SGSM2: variants seen among roughly 807,000 people sequenced by gnomAD.
SGSM2 encodes the protein RUN and TBC1 domain containing 1.
SGSM2 carries 89 observed loss-of-function variants against 126.6 expected under a neutral mutation model. That is an observed-to-expected ratio of 0.70 (90% CI 0.59 to 0.84). The LOEUF is 0.84. Among genes scored for constraint, SGSM2 ranks in the 40% least tolerant of loss-of-function variants. The pLI is 0.00. For missense variants in SGSM2, 1,404 were observed against 1,416.6 expected, an observed-to-expected ratio of 0.99 and a Z score of 0.14; for synonymous variants, 614 against 574.3, an observed-to-expected ratio of 1.07 and a Z score of -0.99.
intron 20 of SGSM2, 50 bp downstream of exon 20, chr17:2,376,865 C>G (rs766465622): frequency 6.2e-7 from 1 of 1,610,462 alleles, no homozygotes; most frequent in South Asian, 1.1e-5. Flanking sequence ...GGAGAAAGGA[C>G]GAGAGGGTGG....
At chr17:2,371,452 C>T (rs201154545) in intron 13 of SGSM2, 37 bp downstream of exon 13, 35 of 1,555,592 alleles carry the variant, frequency 2.2e-5, no homozygotes, top group African/African-American at 1.1e-4. Flanking sequence ...TTCCCGTTAG[C>T]GTGTCCAGCC....
At position 2,376,975 on chromosome 17, in the gene SGSM2, C is replaced by G; in HGVS notation, c.2709C>G (p.Ser903Arg). 8 of 1,613,584 alleles carry G rather than the reference C, an allele frequency of 5.0e-6. No homozygotes were observed. Among genetic ancestry groups the G allele is most frequent in the Non-Finnish European group, 6.8e-6 (8 of 1,179,702 alleles). ...VTLDNDQLAY[S>R]CFSHLMKRMS... ...TCCCCTCAGATCAGCTGGCCTACAG[C>G]TGCTTCAGCCACCTCATGAAGAGGA... Residue 903 changes from serine (S) to arginine (R), a missense_variant, in exon 21 of 24, where the codon AGC (serine) becomes AGG (arginine). Coordinates refer to ENST00000268989, the MANE Select transcript of SGSM2 (RefSeq NM_014853.3).
rs886434517 is a variant in SGSM2, at chr17:2,367,433, A to C, written c.1423+28A>C. 6.3e-7 allele frequency: 1 copy of C among 1,596,956 alleles called. No homozygotes were observed. The highest frequency in any genetic ancestry group is 1.1e-5 in the South Asian group (1 of 89,772). ...TCTTATCCCTCCCTCTCCCTGACCC[A>C]CCTCATCCCCACCCTCCCTCCCGGG... On this transcript the variant is annotated intron_variant, in intron 12 of 23. Coordinates refer to ENST00000268989, the MANE Select transcript of SGSM2 (RefSeq NM_014853.3). The surrounding 1 kb of genome is among the most constrained non-coding windows in gnomAD (Gnocchi z 4.0).
At position 2,379,043 on chromosome 17, in the gene SGSM2, G is replaced by C. The variant is rs1322357854; in HGVS notation, c.2907G>C (p.Leu969=). Residue 969 remains leucine (L), a synonymous_variant, in exon 23 of 24, where the codon CTG becomes CTC. Coordinates refer to ENST00000268989, the MANE Select transcript of SGSM2 (RefSeq NM_014853.3). ...GCCGCTTACTCTCCGCAGAACTGCT[G>C]TATGAGGATGTGTTTGCTGTGTGGG... is the stretch of plus-strand genomic sequence containing the variant. ...WFLLDFKREL[L]YEDVFAVWEV... The C allele has an allele frequency of 3.7e-6, 6 of 1,613,926 alleles. No homozygotes were observed. Among genetic ancestry groups the C allele is most frequent in the Non-Finnish European group, 4.2e-6 (5 of 1,179,952 alleles).
chr17:2,366,410 AC>A, intron 11 of SGSM2: 1 of 152,078 alleles, frequency 6.6e-6, no homozygotes, highest in Non-Finnish European at 1.5e-5. Context: ...TAACAAGACC[AC>A]CCGCTCCCTA....
chr17:2,362,066 C>A lies in SGSM2; in HGVS notation c.297-43C>A. 2 of 1,586,244 alleles carry A rather than the reference C, an allele frequency of 1.3e-6. No individual in the cohort carries two copies. On this transcript the variant is annotated intron_variant, in intron 3 of 23. Transcript: ENST00000268989. The surrounding 1 kb of genome is among the most constrained non-coding windows in gnomAD (Gnocchi z 4.9). ...CCCAATGCCAGCATTCTGGGGTTTACCCCTAGACCACTGCACTCCTGGAGC... is the reference window on the plus strand; with the variant it reads ...CCCAATGCCAGCATTCTGGGGTTTAACCCTAGACCACTGCACTCCTGGAGC...
intron 12 of SGSM2, among the ~76,000 whole-genome samples, chr17:2,369,646 C>A (rs924597842): frequency 1.3e-5 from 2 of 152,146 alleles, no homozygotes; most frequent in Non-Finnish European, 2.9e-5. Flanking sequence ...GCTGGGCCTC[C>A]TTTCTGGGCA....
intron 1 of SGSM2, among the ~76,000 whole-genome samples, chr17:2,338,618 G>C (rs544294690): frequency 3.3e-4 from 50 of 152,136 alleles, no homozygotes; most frequent in African/African-American, 1.2e-3. Flanking sequence ...CCACTGCCTT[G>C]TATCCAGTGC....
chr17:2,343,848 C>G (rs760885765), intron 2 of SGSM2, among the ~76,000 whole-genome samples: 13 of 152,172 alleles, frequency 8.5e-5, no homozygotes, highest in Non-Finnish European at 1.5e-4. Context: ...GATAGTAATT[C>G]TCACATTTTA....
In SGSM2 at chr17:2,379,672, C is replaced by A; in HGVS notation, c.*152C>A. ...AGCCTGGATCCGACTCCCGGCAGTGCTGACCCTGCAGGGCAAGTCAGGGGC... is the reference window on the plus strand; with the variant it reads ...AGCCTGGATCCGACTCCCGGCAGTGATGACCCTGCAGGGCAAGTCAGGGGC... On this transcript the variant is annotated 3_prime_UTR_variant, in exon 24 of 24. Transcript: ENST00000268989. 1 of 1,446,936 alleles carries A rather than the reference C, an allele frequency of 6.9e-7. No homozygotes were observed. Among genetic ancestry groups the A allele is most frequent in the Non-Finnish European group, 9.1e-7 (1 of 1,096,518 alleles). 89.6% of individuals were successfully genotyped at this position (1,446,936 alleles called of 1,614,324 possible).
At chr17:2,377,093 C>CATGG (rs1195086246) in intron 21 of SGSM2, 25 bp downstream of exon 21, 1 of 1,504,196 alleles carries the variant, frequency 6.6e-7, no homozygotes, top group Admixed American at 1.7e-5. Context: ...CACCCATGGG[C>CATGG]ATGGGAGCAG....
chr17:2,367,242 C>T lies in SGSM2; in HGVS notation c.1289-29C>T, dbSNP rs751072876. On this transcript the variant is annotated intron_variant, in intron 11 of 23. Coordinates refer to ENST00000268989, the MANE Select transcript of SGSM2 (RefSeq NM_014853.3). This position sits in a 1 kb window ranked among gnomAD's most constrained non-coding sequence, Gnocchi z 4.0. ...CTGCCCAGGGATGAGGGCCTCATGC[C>T]TCTGCCTCTCGCTGTTCTCTTTGAG... 8 of 1,602,092 alleles carry T rather than the reference C, an allele frequency of 5.0e-6. No individual in the cohort carries two copies. In the East Asian group the frequency reaches 6.7e-5, roughly 13 times the overall value.
chr17:2,379,503 C>G lies in SGSM2; in HGVS notation c.3139C>G (p.Leu1047Val), dbSNP rs1200980838. ...GGACCTCGTCCACAAGGTGCAGATG[C>G]TCATAGAGAACAAGTGAGCTGGGGC... ...ARDLVHKVQM[L>V]IENK The change falls in exon 24 of 24, where the codon CTC becomes GTC. Residue 1047 changes from leucine to valine, a missense_variant. Coordinates refer to ENST00000268989, the MANE Select transcript of SGSM2 (RefSeq NM_014853.3). 2.5e-6 allele frequency: 4 copies of G among 1,612,786 alleles called. No homozygotes were observed. The highest frequency in any genetic ancestry group is 3.4e-6 in the Non-Finnish European group (4 of 1,179,200).
At chr17:2,369,071 A>G (rs2065734992) in intron 12 of SGSM2, among the ~76,000 whole-genome samples, 1 of 152,204 alleles carries the variant, frequency 6.6e-6, no homozygotes, top group South Asian at 2.1e-4. Flanking sequence ...AACCTAGTAT[A>G]GAGCTTCTGG....
In SGSM2 at chr17:2,367,086, G is replaced by C. The variant is rs576497933; in HGVS notation, c.1289-185G>C. On this transcript the variant is annotated intron_variant, in intron 11 of 23. Coordinates refer to ENST00000268989, the MANE Select transcript of SGSM2 (RefSeq NM_014853.3). The surrounding 1 kb of genome is among the most constrained non-coding windows in gnomAD (Gnocchi z 4.0). ...GGTTCTGCAGCTGCCCCAGCCCCTC[G>C]CCTCCTTCCACACTCTCCCAGGAAA... 2 of 631,178 alleles carry C rather than the reference G, an allele frequency of 3.2e-6. No homozygotes were observed. The highest frequency in any genetic ancestry group is 3.1e-5 in the Admixed American group (1 of 32,698). 39.1% of individuals were successfully genotyped at this position (631,178 alleles called of 1,614,324 possible).
At chr17:2,353,807 T>G (rs532213380) in intron 2 of SGSM2, among the ~76,000 whole-genome samples, 1 of 152,184 alleles carries the variant, frequency 6.6e-6, no homozygotes, top group East Asian at 1.9e-4. Flanking sequence ...CTCCTTTCTC[T>G]GCTCTTATTC....
In SGSM2 at chr17:2,363,281, CTT is replaced by C; in HGVS notation, c.672+148_672+149del. On this transcript the variant is annotated intron_variant, in intron 6 of 23. Transcript: ENST00000268989. The surrounding 1 kb of genome is among the most constrained non-coding windows in gnomAD (Gnocchi z 4.2). ...GAAGAGCCTTCTCCGCACAATAAAA[CTT>C]AACACAAATGCCGGGAGCCCATGCT... 2 of 1,347,344 alleles carry C rather than the reference CTT, an allele frequency of 1.5e-6. No individual in the cohort carries two copies. The highest frequency in any genetic ancestry group is 2.8e-5 in the South Asian group (2 of 70,738). 83.5% of individuals were successfully genotyped at this position (1,347,344 alleles called of 1,614,324 possible). A position where few individuals can be genotyped will look rare whatever the true frequency, so the allele number is the denominator to read the frequency against.
At chr17:2,341,152 G>A (rs2064352075) in intron 1 of SGSM2, among the ~76,000 whole-genome samples, 1 of 151,738 alleles carries the variant, frequency 6.6e-6, no homozygotes, top group Admixed American at 6.6e-5. Context: ...TTGAGATAGA[G>A]TTTCACTCTT....
chr17:2,352,747 C>T (rs1457197879), intron 2 of SGSM2, among the ~76,000 whole-genome samples: 2 of 151,218 alleles, frequency 1.3e-5, no homozygotes, highest in Non-Finnish European at 2.9e-5. Flanking sequence ...TGATGACCCT[C>T]CTAACCACTG....
Sources: allele counts gnomAD v4.1 joint callset (sites outside exome capture counted in the v4.1 genomes callset), GRCh38; gene constraint gnomAD v4.1.1; non-coding constraint Gnocchi (gnomAD v3.1); transcripts MANE v1.5; gene names NCBI Gene and HGNC (gene_info 2026-07-23, HGNC 2026-07-21).